The following TRPM3 variants were observed in gnomAD, a reference collection of about 807,000 sequenced individuals.
The protein encoded by TRPM3 is transient receptor potential cation channel subfamily M member 3, also known as long transient receptor potential channel 3.
In TRPM3, 77 loss-of-function variants were observed where a neutral mutation model predicts 181.2. The ratio of observed to expected loss-of-function variants is 0.42; its 90% CI spans 0.35 to 0.51. The LOEUF (loss-of-function observed/expected upper bound fraction) is 0.51. Among genes scored for constraint, TRPM3 ranks in the 20% least tolerant of loss-of-function variants. The pLI, the probability that TRPM3 is intolerant of heterozygous loss-of-function variation, is 0.01. For missense variants in TRPM3, 1,759 were observed against 2,196.7 expected, an observed-to-expected ratio of 0.80 and a Z score of 3.98; for synonymous variants, 745 against 796.4, an observed-to-expected ratio of 0.94 and a Z score of 1.09.
intron 1 of TRPM3, among the ~76,000 whole-genome samples, chr9:71,311,792 A>C (rs1406133909): frequency 6.6e-6 from 1 of 151,994 alleles, no homozygotes; most frequent in Non-Finnish European, 1.5e-5. Flanking sequence ...TGAGCAAAAA[A>C]AAATAATAAA....
intron 1 of TRPM3, among the ~76,000 whole-genome samples, chr9:71,119,652 G>A (rs1178317020): frequency 1.3e-5 from 2 of 152,144 alleles, no homozygotes; most frequent in African/African-American, 4.8e-5. Flanking sequence ...GACTTTAACT[G>A]AAAAAATGTT....
At position 70,536,708 on chromosome 9, in the gene TRPM3, G is replaced by T; in HGVS notation, c.4405C>A (p.Arg1469=). The change falls in exon 26 of 26, where the codon CGG becomes AGG. Residue 1469 remains arginine (R), a synonymous_variant. Coordinates refer to ENST00000677713, the MANE Select transcript of TRPM3 (RefSeq NM_001366145.2). ...TLAPTDRPPS[R]SIDFEDITSM... is the part of the protein sequence containing the mutation. The stretch of plus-strand genomic sequence containing the variant: ...GTGATGTCCTCAAAATCAATGCTCC[G>T]GCTTGGAGGTCTGTCTGTGGGTGCA... 3.1e-6 allele frequency: 5 copies of T among 1,614,160 alleles called. No individual in the cohort carries two copies. The highest frequency in any genetic ancestry group is 4.2e-6 in the Non-Finnish European group (5 of 1,180,040).
intron 1 of TRPM3, among the ~76,000 whole-genome samples, chr9:71,197,529 C>G (rs967947221): frequency 3.3e-5 from 5 of 151,734 alleles, no homozygotes; most frequent in Admixed American, 2.0e-4. Context: ...CTCTCCAGCA[C>G]CTGTTGTTTC....
chr9:70,604,892 C>CCTAT (rs1235602274), intron 19 of TRPM3, among the ~76,000 whole-genome samples: 5 of 150,802 alleles, frequency 3.3e-5, no homozygotes, highest in African/African-American at 7.3e-5. Flanking sequence ...AAGAGATCCT[C>CCTAT]CTATCTATCT....
In TRPM3 at chr9:70,537,054, C is replaced by A; in HGVS notation, c.4059G>T (p.Ser1353=). ...TACCACCTTTGTCTTTCATATTGAC[C>A]GAATAGAAAGAATGGCTTCGCATAC... ...MPRMRSHSFY[S]VNMKDKGGIE... The change falls in exon 26 of 26, where the codon TCG becomes TCT. Residue 1353 remains serine, a synonymous_variant. Transcript: ENST00000677713. 1.2e-6 allele frequency: 2 copies of A among 1,611,622 alleles called. No homozygotes were observed. The highest frequency in any genetic ancestry group is 2.2e-5 in the South Asian group (2 of 91,030).
Position 70,534,098 on chromosome 9 carries a change from A to G in TRPM3, c.*1855T>C, listed in dbSNP as rs923278843. 1.3e-5 allele frequency: 2 copies of G among 152,206 alleles called. No homozygotes were observed. The highest frequency in any genetic ancestry group is 2.9e-5 in the Non-Finnish European group (2 of 68,034). The allele number at this position is 152,206 out of a possible 1,614,324, so 9.4% of individuals were successfully genotyped here. On this transcript the variant is annotated 3_prime_UTR_variant, in exon 26 of 26. Transcript: ENST00000677713. Reference sequence around the variant, plus strand: ...ATAGGAATCCAAAGATTTGGGGTCAAGATTTCTTTATCCCACTTCCAATCC... The same window carrying G: ...ATAGGAATCCAAAGATTTGGGGTCAGGATTTCTTTATCCCACTTCCAATCC...
chr9:71,432,288 A>G (rs2093967045), intron 1 of TRPM3, among the ~76,000 whole-genome samples: 1 of 149,456 alleles, frequency 6.7e-6, no homozygotes, highest in Admixed American at 6.7e-5. Context: ...TCTGTCCCCC[A>G]ACTGTATTCA....
chr9:70,752,592 T>G (rs563879330), intron 8 of TRPM3, among the ~76,000 whole-genome samples: 1 of 152,316 alleles, frequency 6.6e-6, no homozygotes, highest in Admixed American at 6.5e-5. Context: ...CAGTCAATGA[T>G]GTATTGTGTA....
chr9:71,444,297 AAG>A (rs1485478358), intron 1 of TRPM3, among the ~76,000 whole-genome samples: 2 of 152,180 alleles, frequency 1.3e-5, no homozygotes, highest in African/African-American at 4.8e-5. Context: ...TAAAGCAGAG[AAG>A]AGAGTAACAA....
intron 1 of TRPM3, among the ~76,000 whole-genome samples, chr9:71,237,039 T>TC (rs1168597040): frequency 3.9e-5 from 2 of 51,004 alleles, no homozygotes; most frequent in Admixed American, 6.8e-4. Context: ...AGAGCAAGAC[T>TC]CCATCAAAAA....
intron 6 of TRPM3, among the ~76,000 whole-genome samples, chr9:70,787,329 AT>A (rs2083908236): frequency 1.3e-5 from 2 of 152,200 alleles, no homozygotes; most frequent in Non-Finnish European, 2.9e-5. Flanking sequence ...TTTCATAAAC[AT>A]TGAATATATC....
chr9:70,822,285 TC>T (rs2093242850), intron 6 of TRPM3, among the ~76,000 whole-genome samples: 1 of 152,170 alleles, frequency 6.6e-6, no homozygotes, highest in African/African-American at 2.4e-5. Context: ...CCCTTTCTTT[TC>T]TGTAAACACT....
intron 6 of TRPM3, among the ~76,000 whole-genome samples, chr9:70,786,471 G>A (rs1237858450): frequency 6.6e-6 from 1 of 152,026 alleles, no homozygotes. Context: ...GGCAGCAAGA[G>A]TGAAACTCCA....
At chr9:71,299,986 C>A (rs1297008756) in intron 1 of TRPM3, among the ~76,000 whole-genome samples, 1 of 152,080 alleles carries the variant, frequency 6.6e-6, no homozygotes, top group Non-Finnish European at 1.5e-5. Flanking sequence ...GTAAAGTTAG[C>A]TAGGAGCTGT....
At chr9:71,384,734 A>G (rs1310330050) in intron 1 of TRPM3, among the ~76,000 whole-genome samples, 1 of 152,216 alleles carries the variant, frequency 6.6e-6, no homozygotes, top group African/African-American at 2.4e-5. Flanking sequence ...AAATGTAACA[A>G]TTTATTTCAG....
intron 1 of TRPM3, among the ~76,000 whole-genome samples, chr9:71,269,084 T>C (rs1259581033): frequency 6.6e-6 from 1 of 152,182 alleles, no homozygotes; most frequent in African/African-American, 2.4e-5. Flanking sequence ...ATACAGTTTT[T>C]GAACTCTATA....
At chr9:71,007,811 G>A (rs1212828590) in intron 1 of TRPM3, among the ~76,000 whole-genome samples, 2 of 151,982 alleles carry the variant, frequency 1.3e-5, no homozygotes, top group Non-Finnish European at 2.9e-5. Flanking sequence ...AGCAATAAAT[G>A]CCTATATCTA....
intron 1 of TRPM3, among the ~76,000 whole-genome samples, chr9:71,387,436 C>T (rs1208386190): frequency 6.6e-6 from 1 of 152,162 alleles, no homozygotes; most frequent in Non-Finnish European, 1.5e-5. Context: ...CTAAATACCA[C>T]ATCTTAACTT....
intron 1 of TRPM3, among the ~76,000 whole-genome samples, chr9:71,217,971 G>A (rs978279764): frequency 6.6e-6 from 1 of 152,274 alleles, no homozygotes; most frequent in Middle Eastern, 3.4e-3. Context: ...TCCTTGCCAA[G>A]CTGCAAATCA....
Sources: allele counts gnomAD v4.1 joint callset (sites outside exome capture counted in the v4.1 genomes callset), GRCh38; gene constraint gnomAD v4.1.1; transcripts MANE v1.5; gene names NCBI Gene and HGNC (gene_info 2026-07-23, HGNC 2026-07-21).